PARP2: variants seen among roughly 807,000 people sequenced by gnomAD.
The protein encoded by PARP2 is poly(ADP-ribose) polymerase 2.
In PARP2, 57 loss-of-function variants were observed where a neutral mutation model predicts 77.8. The ratio of observed to expected loss-of-function variants is 0.73; its 90% CI spans 0.59 to 0.91. PARP2 has a LOEUF of 0.91. PARP2 is among the 40% of genes least tolerant of loss of function. The pLI, the probability that PARP2 is intolerant of heterozygous loss-of-function variation, is 0.00. For synonymous variants in PARP2, 226 were observed against 242.6 expected (o/e 0.93, Z 0.64); for missense variants, 651 against 689.0 (o/e 0.94, Z 0.62).
At position 20,347,352 on chromosome 14, in the gene PARP2, GTGTGTATATATATATATA is replaced by G. The variant is rs1566418186; in HGVS notation, c.324+441_324+458del. 9.6e-3 allele frequency among the ~76,000 whole-genome samples: 499 copies of G among 51,788 alleles called. 47 individuals are homozygous for G. The highest frequency in any genetic ancestry group is 0.041 in the African/African-American group (477 of 11,638). The allele number at this position is 51,788 out of a possible 152,430, so 34.0% of individuals were successfully genotyped here. On this transcript the variant is annotated intron_variant, in intron 4 of 15. Transcript: ENST00000429687. ...CTTGCCTAAAGTCCTTCATATGTGT[GTGTGTATATATATATATA>G]TATATATATATATATATATATATAT...
intron 3 of PARP2, 105 bp from the exon 4 acceptor site, chr14:20,346,758 T>C (rs1439252904): frequency 2.7e-6 from 2 of 739,752 alleles, no homozygotes; most frequent in Non-Finnish European, 4.9e-6. Flanking sequence ...ATGTTGATGT[T>C]GCTGTAGAAT....
At chr14:20,356,562 G>A (rs1884160159) in intron 12 of PARP2, 28 bp from the exon 13 acceptor site, 1 of 1,604,146 alleles carries the variant, frequency 6.2e-7, no homozygotes. Context: ...CAGAACAACA[G>A]AGTACAATAA....
intron 6 of PARP2, 32 bp from the exon 7 acceptor site, chr14:20,352,213 T>A: frequency 8.2e-7 from 1 of 1,213,828 alleles, no homozygotes; most frequent in Non-Finnish European, 1.2e-6. Flanking sequence ...GACCTTTATT[T>A]GTAAAGTTTT....
At position 20,350,528 on chromosome 14, in the gene PARP2, CA is replaced by C. The variant is rs768689972; in HGVS notation, c.329del (p.Asn110IlefsTer11). 6.3e-7 allele frequency: 1 copy of C among 1,579,358 alleles called. No homozygotes were observed. The highest frequency in any genetic ancestry group is 1.1e-5 in the South Asian group (1 of 89,952). On this transcript the variant is annotated frameshift_variant, in exon 5 of 16. Coordinates refer to ENST00000429687, the MANE Select transcript of PARP2 (RefSeq NM_001042618.2). LOFTEE classifies it high-confidence loss of function. ...DVYDVMLNQTNLQFNNNKYYL... is the reference protein window; with the variant it reads ...DVYDVMLNQTXLQFNNNKYYL... ...GTTTTTGTTTTCACTCAACATAGAC[CA>C]ATCTCCAGTTCAACAACAACAAGTA...
Position 20,352,261 on chromosome 14 carries a change from A to G in PARP2, c.514A>G (p.Lys172Glu). 1.2e-6 allele frequency: 2 copies of G among 1,611,830 alleles called. No homozygotes were observed. The highest frequency in any genetic ancestry group is 1.7e-6 in the Non-Finnish European group (2 of 1,177,928). ...ACTCTACAGATTCCTTGACAAAACG[A>G]AAAACAATTGGGAAGATCGAGAAAA... is the stretch of plus-strand genomic sequence containing the variant. ...IFQKKFLDKT[K>E]NNWEDREKFE... The change falls in exon 7 of 16, where the codon AAA (lysine) becomes GAA (glutamate). Residue 172 changes from lysine (K) to glutamate (E), a missense_variant. Lys to Glu is a moderately conservative substitution (Grantham distance 56). Coordinates refer to ENST00000429687, the MANE Select transcript of PARP2 (RefSeq NM_001042618.2).
chr14:20,356,078 C>T (rs780750033), intron 11 of PARP2, 47 bp downstream of exon 11: 3 of 1,590,944 alleles, frequency 1.9e-6, no homozygotes, highest in East Asian at 4.5e-5. Flanking sequence ...CCCTTAACCA[C>T]CTCCCCCATC....
In PARP2 at chr14:20,350,630, T is replaced by G; in HGVS notation, c.421+8T>G. ...GGATGAGATGGGGCCGAGGTAATGA[T>G]TTTTATTGAGATTTTATGAGTTGGC... is the stretch of plus-strand genomic sequence containing the variant. On this transcript the variant is annotated splice_region_variant and intron_variant, in intron 5 of 15. Transcript: ENST00000429687. 1.3e-6 allele frequency: 2 copies of G among 1,560,072 alleles called. No individual in the cohort carries two copies. The highest frequency in any genetic ancestry group is 1.8e-6 in the Non-Finnish European group (2 of 1,131,072).
rs764170854 is a variant in PARP2, at chr14:20,352,228, C to T, written c.498-17C>T. ...GACCTTTATTTGTAAAGTTTTCTTA[C>T]ACCTTGGACTCTACAGATTCCTTGA... is the stretch of plus-strand genomic sequence containing the variant. On this transcript the variant is annotated splice_polypyrimidine_tract_variant and intron_variant, in intron 6 of 15. Coordinates refer to ENST00000429687, the MANE Select transcript of PARP2 (RefSeq NM_001042618.2). 2 of 1,421,910 alleles carry T rather than the reference C, an allele frequency of 1.4e-6. No individual in the cohort carries two copies. Among genetic ancestry groups the T allele is most frequent in the East Asian group, 2.3e-5 (1 of 43,928 alleles). The allele number at this position is 1,421,910 out of a possible 1,614,324, so 88.1% of individuals were successfully genotyped here.
At position 20,345,096 on chromosome 14, in the gene PARP2, G is replaced by A; in HGVS notation, c.202+9G>A. 1 of 1,614,092 alleles carries A rather than the reference G, an allele frequency of 6.2e-7. No homozygotes were observed. Among genetic ancestry groups the A allele is most frequent in the Non-Finnish European group, 8.5e-7 (1 of 1,179,944 alleles). On this transcript the variant is annotated intron_variant, in intron 2 of 15. Transcript: ENST00000429687. ...AGAAGACAAGCAAGATGGTATGCCA[G>A]GAAGGTCATGGGCCAGCAAAAGGGT... is the stretch of plus-strand genomic sequence containing the variant.
At position 20,356,324 on chromosome 14, in the gene PARP2, AC is replaced by A. The variant is rs1884150055; in HGVS notation, c.1120del (p.Gln374AsnfsTer13). 1 of 1,614,120 alleles carries A rather than the reference AC, an allele frequency of 6.2e-7. No individual in the cohort carries two copies. Among genetic ancestry groups the A allele is most frequent in the Non-Finnish European group, 8.5e-7 (1 of 1,179,968 alleles). On this transcript the variant is annotated frameshift_variant, in exon 12 of 16. Transcript: ENST00000429687. LOFTEE classifies it high-confidence loss of function. ...TTTCACAGGTGATTTCCCAGTACCT[AC>A]AATCTACCCATGCTCCCACACACAG... ...YEFKVISQYLQSTHAPTHSDY... is the reference protein window; with the variant it reads ...YEFKVISQYLXSTHAPTHSDY...
At position 20,354,071 on chromosome 14, in the gene PARP2, G is replaced by GT; in HGVS notation, c.601-8dup. ...TCTTAGATTGTCTTGTGTTTTGTTT[G>GT]TTTTTTGCTATAGGATGAAGAGGAA... On this transcript the variant is annotated splice_polypyrimidine_tract_variant and intron_variant, in intron 7 of 15. Coordinates refer to ENST00000429687, the MANE Select transcript of PARP2 (RefSeq NM_001042618.2). 1 of 1,603,488 alleles carries GT rather than the reference G, an allele frequency of 6.2e-7. No individual in the cohort carries two copies. Among genetic ancestry groups the GT allele is most frequent in the Non-Finnish European group, 8.5e-7 (1 of 1,171,526 alleles).
chr14:20,345,280 C>A (rs7159549), intron 2 of PARP2, 114 bp from the exon 3 acceptor site: 11 of 1,090,722 alleles, frequency 1.0e-5, no homozygotes, highest in Non-Finnish European at 1.5e-5. Context: ...GGATTGGGGT[C>A]TAAGGAAAGA....
intron 4 of PARP2, among the ~76,000 whole-genome samples, chr14:20,348,081 G>T (rs1179460449): frequency 6.6e-6 from 1 of 151,984 alleles, no homozygotes; most frequent in Non-Finnish European, 1.5e-5. Context: ...CGCTATGTTG[G>T]ATAGGTGGTC....
chr14:20,347,354 GTGTATATATATATATATATATATATATA>G (rs1441051655), intron 4 of PARP2, among the ~76,000 whole-genome samples: 24 of 43,952 alleles, frequency 5.5e-4, no homozygotes, highest in African/African-American at 3.2e-3. Flanking sequence ...ATATGTGTGT[GTGTATATATATATATATATATATATATA>G]TATATATATA....
chr14:20,345,215 G>C, intron 2 of PARP2, 128 bp downstream of exon 2: 1 of 1,097,536 alleles, frequency 9.1e-7, no homozygotes, highest in Non-Finnish European at 1.4e-6. Context: ...TATCCTTTGG[G>C]CATACCACAG....
chr14:20,344,604 C>A lies in PARP2; in HGVS notation c.47-328C>A, dbSNP rs555142756. ...GAGGAGGGCAGATCACTTGAGGTCACGAGTTCGAGACCAGCCTGGCCAACA... is the reference window on the plus strand; with the variant it reads ...GAGGAGGGCAGATCACTTGAGGTCAAGAGTTCGAGACCAGCCTGGCCAACA... On this transcript the variant is annotated intron_variant, in intron 1 of 15. Coordinates refer to ENST00000429687, the MANE Select transcript of PARP2 (RefSeq NM_001042618.2). Among the ~76,000 whole-genome samples, 10 of 152,172 alleles carry A rather than the reference C, an allele frequency of 6.6e-5. No homozygotes were observed. The South Asian group carries it at 2.1e-3, about 32-fold the overall frequency.
At chr14:20,355,551 A>G (rs1431883345) in intron 9 of PARP2, 3 of 418,594 alleles carry the variant, frequency 7.2e-6, no homozygotes, top group African/African-American at 4.1e-5. Flanking sequence ...CACATAGTTC[A>G]TCTTATACCG....
intron 6 of PARP2, among the ~76,000 whole-genome samples, chr14:20,351,511 A>C (rs1883954548): frequency 6.6e-6 from 1 of 152,174 alleles, no homozygotes; most frequent in African/African-American, 2.4e-5. Context: ...GTGGCTTATA[A>C]AAAACTTTTC....
At position 20,345,454 on chromosome 14, in the gene PARP2, A is replaced by G. The variant is rs1883681718; in HGVS notation, c.263A>G (p.Lys88Arg). ...CCTGTGGACCCAGAGTGTACAGCCA[A>G]GGTGGGGAAGGTAAGAGACTCTGGA... ...KAPVDPECTA[K>R]VGKAHVYCEG... Residue 88 changes from lysine (K) to arginine (R), a missense_variant, in exon 3 of 16, where the codon AAG becomes AGG. Physicochemically the swap from Lys to Arg is conservative, Grantham distance 26. Coordinates refer to ENST00000429687, the MANE Select transcript of PARP2 (RefSeq NM_001042618.2). The G allele has an allele frequency of 7.4e-6, 12 of 1,612,790 alleles. No individual in the cohort carries two copies. The highest frequency in any genetic ancestry group is 1.0e-5 in the Non-Finnish European group (12 of 1,178,988).
Sources: gnomAD v4.1 joint callset for allele counts (sites outside exome capture counted in the v4.1 genomes callset) on GRCh38, gnomAD v4.1.1 for gene constraint, MANE v1.5 for transcripts, NCBI Gene and HGNC (gene_info 2026-07-23, HGNC 2026-07-21) for gene names.